AK5: variants seen among roughly 807,000 people sequenced by gnomAD.
AK5 encodes the protein adenylate kinase isoenzyme 5.
AK5 carries 27 observed loss-of-function variants against 69.5 expected under a neutral mutation model. The ratio of observed to expected loss-of-function variants is 0.39; its 90% CI spans 0.29 to 0.54. The LOEUF (loss-of-function observed/expected upper bound fraction) is 0.54, where lower values mean the gene tolerates loss of function less well. Among genes scored for constraint, AK5 ranks in the 20% least tolerant of loss-of-function variants. The pLI is 0.71. For synonymous variants in AK5, 260 were observed against 244.4 expected (o/e 1.06, Z -0.60); for missense variants, 531 against 700.4 (o/e 0.76, Z 2.73).
rs141774338 is a variant in AK5 at position 77,485,216 on chromosome 1, G to A, written c.1103-1092G>A. 3.5e-3 allele frequency among the ~76,000 whole-genome samples: 533 copies of A among 152,242 alleles called. 4 individuals are homozygous for A. The highest frequency in any genetic ancestry group is 0.012 in the African/African-American group (508 of 41,558). On this transcript the variant is annotated intron_variant, in intron 9 of 13. Coordinates refer to ENST00000354567, the MANE Select transcript of AK5 (RefSeq NM_174858.3). ...TTTGATTTAAAAATTCTCTTTGTTTGTTTGTTTTTTGTTGTGGAAACCATA... is the reference window on the plus strand; with the variant it reads ...TTTGATTTAAAAATTCTCTTTGTTTATTTGTTTTTTGTTGTGGAAACCATA...
chr1:77,497,574 A>G (rs766910669), intron 10 of AK5, among the ~76,000 whole-genome samples: 1 of 152,196 alleles, frequency 6.6e-6, no homozygotes, highest in African/African-American at 2.4e-5. Context: ...AGAGTTTGAG[A>G]GACAGATGAG....
At chr1:77,463,058 G>C (rs1179138373) in intron 8 of AK5, among the ~76,000 whole-genome samples, 1 of 152,172 alleles carries the variant, frequency 6.6e-6, no homozygotes, top group Non-Finnish European at 1.5e-5. Context: ...CATAAACATG[G>C]ATTACTTGGG....
At chr1:77,440,927 T>G (rs188595685) in intron 8 of AK5, among the ~76,000 whole-genome samples, 32 of 152,284 alleles carry the variant, frequency 2.1e-4, no homozygotes, top group African/African-American at 6.5e-4. Context: ...TTTTGTATTT[T>G]TAGTAGAGAC....
chr1:77,343,679 A>G lies in AK5; in HGVS notation c.891+3111A>G, dbSNP rs147448053. 3.9e-5 allele frequency among the ~76,000 whole-genome samples: 6 copies of G among 152,254 alleles called. No individual in the cohort carries two copies. In the East Asian group the frequency reaches 1.2e-3, roughly 29 times the overall value. On this transcript the variant is annotated intron_variant, in intron 6 of 13. Coordinates refer to ENST00000354567, the MANE Select transcript of AK5 (RefSeq NM_174858.3). ...ACCTGTAAAATAGGTATAATAATCA[A>G]TCCTACCTCAGTGTGATTATGAGGA...
intron 1 of AK5, among the ~76,000 whole-genome samples, chr1:77,286,683 C>T (rs1027100829): frequency 4.6e-5 from 7 of 151,780 alleles, no homozygotes; most frequent in African/African-American, 1.5e-4. Context: ...CCTGTCTCTA[C>T]TAAAAATACA....
chr1:77,362,530 A>G (rs934100529), intron 6 of AK5, among the ~76,000 whole-genome samples: 1 of 152,190 alleles, frequency 6.6e-6, no homozygotes, highest in Non-Finnish European at 1.5e-5. Flanking sequence ...ATTGTATACC[A>G]AAAAACCCAA....
chr1:77,298,411 C>T lies in AK5; in HGVS notation c.699+464C>T, dbSNP rs992498275. ...AAAATTTGAGTAGGCTATGCCTGCT[C>T]AACCCCCAATACATCTGTTTTAAAG... On this transcript the variant is annotated intron_variant, in intron 5 of 13. Coordinates refer to ENST00000354567, the MANE Select transcript of AK5 (RefSeq NM_174858.3). Among the ~76,000 whole-genome samples the T allele has an allele frequency of 5.9e-5, 9 of 151,894 alleles. No individual in the cohort carries two copies. In the East Asian group the frequency reaches 1.2e-3, roughly 20 times the overall value.
At chr1:77,382,075 A>G (rs1647675317) in intron 6 of AK5, among the ~76,000 whole-genome samples, 1 of 152,190 alleles carries the variant, frequency 6.6e-6, no homozygotes. Flanking sequence ...CAGTTCCTCC[A>G]TGAACTTTTA....
Position 77,526,305 on chromosome 1 carries a change from A to G in AK5, c.1428+4362A>G, listed in dbSNP as rs577778291. Among the ~76,000 whole-genome samples the G allele has an allele frequency of 7.9e-5, 12 of 152,156 alleles. No homozygotes were observed. In the South Asian group the frequency reaches 2.5e-3, roughly 32 times the overall value. On this transcript the variant is annotated intron_variant, in intron 12 of 13. Transcript: ENST00000354567. ...GCAGTTGTGTAAACATGACACTAAC[A>G]TACAATTGTAGATGTGTAATAACTG...
At chr1:77,546,475 C>T (rs553521928) in intron 13 of AK5, among the ~76,000 whole-genome samples, 3 of 152,032 alleles carry the variant, frequency 2.0e-5, no homozygotes, top group Non-Finnish European at 4.4e-5. Flanking sequence ...TTTGGGAGGC[C>T]GAGGAGGGCA....
chr1:77,306,583 G>T (rs1218206674), intron 5 of AK5, among the ~76,000 whole-genome samples: 2 of 143,254 alleles, frequency 1.4e-5, no homozygotes, highest in Non-Finnish European at 3.0e-5. Context: ...GTCTTTCTCT[G>T]GTTTTGGTAT....
chr1:77,547,794 T>G (rs942514691), intron 13 of AK5, among the ~76,000 whole-genome samples: 3 of 152,228 alleles, frequency 2.0e-5, no homozygotes. Flanking sequence ...ATGCCAGGTT[T>G]AAATTTTAGA....
intron 6 of AK5, among the ~76,000 whole-genome samples, chr1:77,380,957 T>A (rs1285085125): frequency 6.6e-6 from 1 of 152,204 alleles, no homozygotes; most frequent in Non-Finnish European, 1.5e-5. Context: ...AAGAAGTGAC[T>A]CTGAAAATCC....
At chr1:77,351,643 A>G (rs1233267107) in intron 6 of AK5, among the ~76,000 whole-genome samples, 1 of 152,104 alleles carries the variant, frequency 6.6e-6, no homozygotes, top group African/African-American at 2.4e-5. Context: ...AGCCACAGCT[A>G]TTGCCTTTCT....
At chr1:77,536,983 C>T (rs1659007106) in intron 13 of AK5, among the ~76,000 whole-genome samples, 1 of 152,184 alleles carries the variant, frequency 6.6e-6, no homozygotes, top group Non-Finnish European at 1.5e-5. Flanking sequence ...TTCCACTCAT[C>T]CCATAACTAT....
intron 1 of AK5, chr1:77,282,812 G>A: frequency 3.0e-6 from 3 of 991,632 alleles, no homozygotes; most frequent in Non-Finnish European, 3.6e-6. Flanking sequence ...CGGAACCCCT[G>A]GGGGAAAGAG....
intron 8 of AK5, among the ~76,000 whole-genome samples, chr1:77,455,747 G>A (rs2100665283): frequency 6.6e-6 from 1 of 152,208 alleles, no homozygotes; most frequent in East Asian, 1.9e-4. Flanking sequence ...GAATCACCGG[G>A]TGAGCTGTAA....
At chr1:77,307,181 A>G (rs965061962) in intron 5 of AK5, among the ~76,000 whole-genome samples, 1 of 151,642 alleles carries the variant, frequency 6.6e-6, no homozygotes, top group South Asian at 2.1e-4. Flanking sequence ...TTCAGGATGC[A>G]TCTTTAGATT....
At position 77,282,047 on chromosome 1, in the gene AK5, A is replaced by C; in HGVS notation, c.-267A>C. 1 of 334,928 alleles carries C rather than the reference A, an allele frequency of 3.0e-6. No homozygotes were observed. Among genetic ancestry groups the C allele is most frequent in the Non-Finnish European group, 5.4e-6 (1 of 185,046 alleles). 20.7% of individuals were successfully genotyped at this position (334,928 alleles called of 1,614,324 possible). A position where few individuals can be genotyped will look rare whatever the true frequency, so the allele number is the denominator to read the frequency against. On this transcript the variant is annotated 5_prime_UTR_variant, in exon 1 of 14. Coordinates refer to ENST00000354567, the MANE Select transcript of AK5 (RefSeq NM_174858.3). ...GGCCGCGCTGCCTGGCAGCCCGGGA[A>C]GCCGCGGCACAGCTGCTCGGCGCCT...
Sources: allele counts gnomAD v4.1 joint callset (sites outside exome capture counted in the v4.1 genomes callset), GRCh38; gene constraint gnomAD v4.1.1; transcripts MANE v1.5; gene names NCBI Gene and HGNC (gene_info 2026-07-23, HGNC 2026-07-21).